MCF2L2: variants seen among roughly 807,000 people sequenced by gnomAD.
The protein encoded by MCF2L2 is MCF.2 cell line derived transforming sequence-like 2.
A neutral mutation model predicts 150.2 loss-of-function variants in MCF2L2; 102 were observed. The ratio of observed to expected loss-of-function variants is 0.68; its 90% CI spans 0.58 to 0.80. The LOEUF is 0.80. MCF2L2 is among the 30% of genes least tolerant of loss of function. The probability of loss-of-function intolerance (pLI) is 0.00; values close to 1 mark genes in which losing one functional copy is unlikely to be tolerated. For missense variants in MCF2L2, 1,256 were observed against 1,372.8 expected (o/e 0.91, Z 1.34); for synonymous variants, 465 against 491.3 (o/e 0.95, Z 0.71).
At chr3:183,409,278 C>G (rs1715198841) in intron 1 of MCF2L2, among the ~76,000 whole-genome samples, 1 of 152,098 alleles carries the variant, frequency 6.6e-6, no homozygotes, top group Admixed American at 6.6e-5. Context: ...AGTAATAGCA[C>G]TTTGTCATTT....
rs1294730839 is a variant in MCF2L2, at chr3:183,428,104, G to C, written c.-127C>G. The C allele has an allele frequency of 2.8e-6, 2 of 726,364 alleles. No individual in the cohort carries two copies. The highest frequency in any genetic ancestry group is 2.2e-5 in the Admixed American group (1 of 45,144). 45.0% of individuals were successfully genotyped at this position (726,364 alleles called of 1,614,324 possible). ...CCTCGCCCTCTTCCTGGCTCTCCAG[G>C]CAAGAAACGAGAGTCCCTCGCAGCC... On this transcript the variant is annotated 5_prime_UTR_variant, in exon 1 of 30. Transcript: ENST00000328913. This position sits in a 1 kb window ranked among gnomAD's most constrained non-coding sequence, Gnocchi z 5.1.
chr3:183,254,469 T>G (rs541238498), intron 15 of MCF2L2, among the ~76,000 whole-genome samples: 1 of 151,920 alleles, frequency 6.6e-6, no homozygotes, highest in East Asian at 1.9e-4. Context: ...GGCCAGCGGC[T>G]GGGACCCAGG....
At chr3:183,205,301 T>C (rs946740085) in intron 25 of MCF2L2, among the ~76,000 whole-genome samples, 8 of 152,062 alleles carry the variant, frequency 5.3e-5, no homozygotes, top group African/African-American at 1.9e-4. Flanking sequence ...CACTTGAACC[T>C]GGGAGGCAGA....
intron 10 of MCF2L2, among the ~76,000 whole-genome samples, chr3:183,306,115 C>G (rs189104679): frequency 1.7e-4 from 26 of 152,216 alleles, no homozygotes; most frequent in African/African-American, 5.5e-4. Context: ...TAGGGTCATA[C>G]AGCTGGTACT....
At chr3:183,266,782 G>A (rs1455810771) in intron 15 of MCF2L2, among the ~76,000 whole-genome samples, 1 of 150,776 alleles carries the variant, frequency 6.6e-6, no homozygotes, top group Non-Finnish European at 1.5e-5. Flanking sequence ...TTAGAGCAGT[G>A]TTTCAGTCTT....
intron 15 of MCF2L2, among the ~76,000 whole-genome samples, chr3:183,255,842 T>C (rs964442332): frequency 6.6e-6 from 1 of 152,042 alleles, no homozygotes; most frequent in East Asian, 1.9e-4. Flanking sequence ...AACTTTCTAA[T>C]TCTCAAAAAT....
At chr3:183,416,809 A>G (rs1162113453) in intron 1 of MCF2L2, among the ~76,000 whole-genome samples, 2 of 152,174 alleles carry the variant, frequency 1.3e-5, no homozygotes, top group East Asian at 1.9e-4. Flanking sequence ...ATTAGGTATT[A>G]TAAGTAATTT....
At chr3:183,191,801 C>T (rs1721901486) in intron 27 of MCF2L2, among the ~76,000 whole-genome samples, 1 of 152,020 alleles carries the variant, frequency 6.6e-6, no homozygotes, top group Non-Finnish European at 1.5e-5. Flanking sequence ...TCCAGCATCA[C>T]GACTGTGCTT....
At chr3:183,226,864 G>A (rs1217026448) in intron 18 of MCF2L2, 5 of 152,180 alleles carry the variant, frequency 3.3e-5, no homozygotes, top group African/African-American at 1.2e-4. Context: ...TAATGAATCA[G>A]AATGAGTATA....
At chr3:183,355,757 C>T (rs1283877355) in intron 3 of MCF2L2, among the ~76,000 whole-genome samples, 8 of 151,818 alleles carry the variant, frequency 5.3e-5, no homozygotes, top group South Asian at 2.1e-4. Flanking sequence ...TGAGCCACCG[C>T]ACCCGGCCAT....
At chr3:183,330,988 A>G (rs899626069) in intron 5 of MCF2L2, among the ~76,000 whole-genome samples, 10 of 151,852 alleles carry the variant, frequency 6.6e-5, no homozygotes, top group African/African-American at 2.4e-4. Flanking sequence ...CCCCCACCCC[A>G]GGGCTAACCA....
intron 15 of MCF2L2, among the ~76,000 whole-genome samples, chr3:183,262,620 C>A (rs1224182536): frequency 6.6e-6 from 1 of 151,596 alleles, no homozygotes; most frequent in African/African-American, 2.4e-5. Context: ...AACTAGGGAG[C>A]CCATGAGGAG....
At chr3:183,361,457 A>G (rs1299132192) in intron 3 of MCF2L2, among the ~76,000 whole-genome samples, 1 of 152,106 alleles carries the variant, frequency 6.6e-6, no homozygotes, top group Non-Finnish European at 1.5e-5. Context: ...TGTTCTCATG[A>G]CAGTTAGTGA....
At chr3:183,424,193 G>T (rs943007301) in intron 1 of MCF2L2, among the ~76,000 whole-genome samples, 1 of 152,176 alleles carries the variant, frequency 6.6e-6, no homozygotes, top group Non-Finnish European at 1.5e-5. Context: ...CCAGAATCAA[G>T]GGGAAAGGAT....
At chr3:183,294,204 G>A (rs1370572651) in intron 13 of MCF2L2, among the ~76,000 whole-genome samples, 1 of 152,132 alleles carries the variant, frequency 6.6e-6, no homozygotes, top group Non-Finnish European at 1.5e-5. Flanking sequence ...ATGTGGGATT[G>A]GCATAAGAAC....
chr3:183,337,645 T>C (rs1577072973), intron 5 of MCF2L2, among the ~76,000 whole-genome samples: 1 of 152,084 alleles, frequency 6.6e-6, no homozygotes, highest in African/African-American at 2.4e-5. Flanking sequence ...GGCTACAAAG[T>C]ATTTCACTGA....
At chr3:183,280,313 TA>T (rs1256810905) in intron 14 of MCF2L2, among the ~76,000 whole-genome samples, 2 of 152,172 alleles carry the variant, frequency 1.3e-5, no homozygotes, top group African/African-American at 4.8e-5. Context: ...AGGAATTTTG[TA>T]AAAAAATTAT....
chr3:183,396,225 G>A (rs553859529), intron 1 of MCF2L2, among the ~76,000 whole-genome samples: 11 of 152,170 alleles, frequency 7.2e-5, no homozygotes, highest in South Asian at 4.2e-4. Context: ...AAATGTGACC[G>A]CATCCAAATG....
chr3:183,351,191 T>C (rs1228469897), intron 3 of MCF2L2, among the ~76,000 whole-genome samples: 1 of 12,748 alleles, frequency 7.8e-5, no homozygotes, highest in Non-Finnish European at 1.5e-4. Context: ...TTTTCTTAAG[T>C]ATATATATAT....
Sources: gnomAD v4.1 joint callset for allele counts (sites outside exome capture counted in the v4.1 genomes callset) on GRCh38, gnomAD v4.1.1 for gene constraint, Gnocchi (gnomAD v3.1) non-coding constraint, MANE v1.5 for transcripts, NCBI Gene and HGNC (gene_info 2026-07-23, HGNC 2026-07-21) for gene names.